The following DFFB variants were observed in gnomAD, a reference collection of about 807,000 sequenced individuals.
DFFB encodes DNA fragmentation factor 40 kDa subunit.
A neutral mutation model predicts 32.7 loss-of-function variants in DFFB; 29 were observed. That is an observed-to-expected ratio of 0.89 (90% confidence interval 0.66 to 1.21). DFFB has a LOEUF of 1.21. Ranked by LOEUF, DFFB falls within the 50% of genes most tolerant of loss-of-function variation. The probability of loss-of-function intolerance (pLI) is 0.00; values close to 1 mark genes in which losing one functional copy is unlikely to be tolerated. For missense variants in DFFB, 398 were observed against 440.6 expected (o/e 0.90, Z 0.87); for synonymous variants, 170 against 177.1 (o/e 0.96, Z 0.32).
chr1:3,866,035 T>C (rs1644973699), intron 3 of DFFB, 35 bp downstream of exon 3: 1 of 1,493,276 alleles, frequency 6.7e-7, no homozygotes, highest in South Asian at 1.4e-5. Flanking sequence ...GGGAGAGGCT[T>C]CTTTGGAGCC....
intron 4 of DFFB, among the ~76,000 whole-genome samples, 166 bp downstream of exon 4, chr1:3,868,219 G>C (rs577359295): frequency 6.6e-6 from 1 of 152,274 alleles, no homozygotes; most frequent in South Asian, 2.1e-4. Context: ...CACGGACCCT[G>C]TGCCTCCTCC....
intron 5 of DFFB, among the ~76,000 whole-genome samples, chr1:3,870,443 A>G (rs1434840578): frequency 6.6e-6 from 1 of 152,220 alleles, no homozygotes; most frequent in African/African-American, 2.4e-5. Flanking sequence ...TGCTCCTGCC[A>G]GGCAGATCCT....
chr1:3,863,426 C>T (rs951078131), intron 2 of DFFB, among the ~76,000 whole-genome samples: 9 of 152,134 alleles, frequency 5.9e-5, no homozygotes, highest in Non-Finnish European at 1.0e-4. Context: ...GAAGGGAAAA[C>T]GGTGCAGCTG....
At chr1:3,861,212 A>G (rs1644874007) in intron 2 of DFFB, among the ~76,000 whole-genome samples, 2 of 150,844 alleles carry the variant, frequency 1.3e-5, no homozygotes. Context: ...TGACCTTTTG[A>G]GATGAGCCTT....
intron 4 of DFFB, among the ~76,000 whole-genome samples, chr1:3,868,613 G>GGCC (rs1645033195): frequency 4.0e-5 from 2 of 50,300 alleles, no homozygotes; most frequent in East Asian, 8.9e-4. Flanking sequence ...CACCATACCA[G>GGCC]ACCACACCAC....
intron 2 of DFFB, among the ~76,000 whole-genome samples, chr1:3,863,439 G>T (rs1274509823): frequency 6.6e-6 from 1 of 152,216 alleles, no homozygotes; most frequent in African/African-American, 2.4e-5. Context: ...TGCAGCTGCT[G>T]TGGAAAATAG....
chr1:3,880,583 G>A (rs1417737314), intron 6 of DFFB, among the ~76,000 whole-genome samples: 3 of 152,178 alleles, frequency 2.0e-5, no homozygotes, highest in African/African-American at 7.2e-5. Context: ...CCTGCTGGTG[G>A]AGCCTTCTGC....
At chr1:3,867,747 GA>G (rs1238668269) in intron 3 of DFFB, 6 of 523,742 alleles carry the variant, frequency 1.1e-5, no homozygotes, top group Non-Finnish European at 2.1e-5. Flanking sequence ...TAGCCACTTG[GA>G]AGTCTGAGGC....
chr1:3,877,854 C>T (rs572017470), intron 6 of DFFB, among the ~76,000 whole-genome samples: 2 of 149,124 alleles, frequency 1.3e-5, no homozygotes, highest in Non-Finnish European at 3.0e-5. Flanking sequence ...TATTCTGTGC[C>T]GGCTTTCTAT....
At chr1:3,882,036 C>CA (rs35600694) in intron 6 of DFFB, among the ~76,000 whole-genome samples, 2 of 151,724 alleles carry the variant, frequency 1.3e-5, no homozygotes, top group South Asian at 4.1e-4. Context: ...AGTGAAACAA[C>CA]ATCATGTTGT....
At chr1:3,880,644 G>C (rs1645317238) in intron 6 of DFFB, among the ~76,000 whole-genome samples, 1 of 151,832 alleles carries the variant, frequency 6.6e-6, no homozygotes, top group African/African-American at 2.4e-5. Flanking sequence ...GCTTCCCGTA[G>C]GCCTCCTCTG....
chr1:3,880,627 G>A (rs897890075), intron 6 of DFFB, among the ~76,000 whole-genome samples: 1 of 151,790 alleles, frequency 6.6e-6, no homozygotes, highest in African/African-American at 2.4e-5. Context: ...TCGCTTCAGT[G>A]GGAAGTGCTT....
At chr1:3,869,920 G>C in intron 5 of DFFB, 145 bp downstream of exon 5, 1 of 858,848 alleles carries the variant, frequency 1.2e-6, no homozygotes, top group Non-Finnish European at 1.7e-6. Context: ...TTCCCAGGGA[G>C]GGCGGCAGTG....
intron 5 of DFFB, among the ~76,000 whole-genome samples, chr1:3,872,241 T>C (rs540652681): frequency 6.8e-4 from 103 of 152,222 alleles, no homozygotes; most frequent in Admixed American, 3.6e-3. Context: ...GGTGAAACCC[T>C]GTCTCTACTG....
chr1:3,873,474 G>A (rs1352362140), intron 6 of DFFB, among the ~76,000 whole-genome samples: 1 of 142,650 alleles, frequency 7.0e-6, no homozygotes, highest in East Asian at 2.2e-4. Flanking sequence ...TTTAGGATTT[G>A]GGATTTTTTT....
intron 5 of DFFB, among the ~76,000 whole-genome samples, chr1:3,871,585 C>T (rs550396229): frequency 7.2e-5 from 11 of 152,192 alleles, no homozygotes; most frequent in Non-Finnish European, 1.5e-4. Flanking sequence ...CCACCGTGCC[C>T]GGCCAAGGCA....
chr1:3,881,238 C>T (rs929569220), intron 6 of DFFB, among the ~76,000 whole-genome samples: 1 of 152,228 alleles, frequency 6.6e-6, no homozygotes, highest in Non-Finnish European at 1.5e-5. Flanking sequence ...TCAGACACAG[C>T]CCCGGTGTGC....
At chr1:3,860,703 G>A (rs528561352) in intron 2 of DFFB, among the ~76,000 whole-genome samples, 18 of 152,204 alleles carry the variant, frequency 1.2e-4, no homozygotes, top group Admixed American at 9.8e-4. Context: ...TTCTCCCCAT[G>A]TAGATTCCTG....
intron 6 of DFFB, 58 bp downstream of exon 6, chr1:3,872,630 G>GCGGCC: frequency 1.4e-6 from 2 of 1,444,054 alleles, no homozygotes; most frequent in South Asian, 1.2e-5. Context: ...TGTCCCTGCC[G>GCGGCC]TGGCCCTGTC....
Sources: allele counts gnomAD v4.1 joint callset (sites outside exome capture counted in the v4.1 genomes callset), GRCh38; gene constraint gnomAD v4.1.1; transcripts MANE v1.5; gene names NCBI Gene and HGNC (gene_info 2026-07-23, HGNC 2026-07-21).